The following MICU2 variants were observed in gnomAD, a reference collection of about 807,000 sequenced individuals.
MICU2 encodes the protein mitochondrial calcium uptake 2.
A neutral mutation model predicts 60.4 loss-of-function variants in MICU2; 64 were observed. That is an observed-to-expected ratio of 1.06 (90% CI 0.87 to 1.31). The LOEUF is 1.31. MICU2 is among the 50% of genes most tolerant of loss of function. MICU2 has a pLI of 0.00. For missense variants in MICU2, 569 were observed against 531.0 expected, an observed-to-expected ratio of 1.07 and a Z score of -0.70; for synonymous variants, 201 against 175.0, an observed-to-expected ratio of 1.15 and a Z score of -1.17.
At chr13:21,568,254 G>A (rs1270991066) in intron 1 of MICU2, among the ~76,000 whole-genome samples, 1 of 152,154 alleles carries the variant, frequency 6.6e-6, no homozygotes, top group Non-Finnish European at 1.5e-5. Context: ...GCTGATTTCA[G>A]TTCTCTGACC....
chr13:21,514,698 ATTTTTTT>A (rs71202422), intron 6 of MICU2, among the ~76,000 whole-genome samples: 1 of 141,170 alleles, frequency 7.1e-6, no homozygotes, highest in Non-Finnish European at 1.6e-5. Flanking sequence ...ACTCCCGTTA[ATTTTTTT>A]TTTTTTTTGT....
chr13:21,590,883 A>G (rs1377410364), intron 1 of MICU2, among the ~76,000 whole-genome samples: 1 of 152,154 alleles, frequency 6.6e-6, no homozygotes, highest in Non-Finnish European at 1.5e-5. Flanking sequence ...AACAAAAAGA[A>G]GCACTAAATA....
intron 2 of MICU2, among the ~76,000 whole-genome samples, chr13:21,546,705 C>T (rs1887427610): frequency 6.6e-6 from 1 of 152,072 alleles, no homozygotes; most frequent in African/African-American, 2.4e-5. Context: ...TTCTCTGTAG[C>T]TAGGTGGTTG....
In MICU2 at chr13:21,510,035, G is replaced by C; in HGVS notation, c.730C>G (p.Gln244Glu). 6.5e-7 allele frequency: 1 copy of C among 1,539,684 alleles called. No individual in the cohort carries two copies. The highest frequency in any genetic ancestry group is 8.7e-7 in the Non-Finnish European group (1 of 1,149,354). The change falls in exon 8 of 12, where the codon CAA becomes GAA. Residue 244 changes from glutamine (Q) to glutamate (E), a missense_variant. By Grantham distance (29) the Gln-to-Glu change is conservative (BLOSUM62 2). Transcript: ENST00000382374. Reference protein sequence around the residue: ...LQMRFFGKRGQRKLHYKEFRR... With the variant: ...LQMRFFGKRGERKLHYKEFRR... ...AATTCTTTATAATGAAGTTTTCTTT[G>C]TCCTCTTTTTCCAAAGAAACGCATC...
At chr13:21,527,298 G>A (rs549360700) in intron 4 of MICU2, among the ~76,000 whole-genome samples, 7 of 152,194 alleles carry the variant, frequency 4.6e-5, no homozygotes, top group African/African-American at 9.6e-5. Context: ...AAAGGAATAC[G>A]GCAATGTGAA....
chr13:21,596,908 T>C (rs1004828035), intron 1 of MICU2, among the ~76,000 whole-genome samples: 12 of 152,338 alleles, frequency 7.9e-5, no homozygotes, highest in East Asian at 7.7e-4. Flanking sequence ...AGTTTATTAA[T>C]ATAGTTGGTT....
rs1021920974 is a variant in MICU2, at chr13:21,566,792, C to A, written c.358+5G>T. On this transcript the variant is annotated splice_donor_5th_base_variant and intron_variant, in intron 2 of 11. Coordinates refer to ENST00000382374, the MANE Select transcript of MICU2 (RefSeq NM_152726.3). ...TTAATTAAAAAAAAAAAAGACCCAACTCACGTTCCATTTGCTCAAACATCA... is the reference window on the plus strand; with the variant it reads ...TTAATTAAAAAAAAAAAAGACCCAAATCACGTTCCATTTGCTCAAACATCA... The A allele has an allele frequency of 3.2e-6, 5 of 1,547,972 alleles. No homozygotes were observed. The highest frequency in any genetic ancestry group is 4.4e-5 in the Admixed American group (2 of 45,600).
At position 21,539,658 on chromosome 13, in the gene MICU2, T is replaced by C. The variant is rs761852383; in HGVS notation, c.389A>G (p.Lys130Arg). The part of the protein sequence containing the change: ...RKTSVKKLTK[K>R]DIEDTLSGIQ... ...TGCCCCCCACAACATGATGCTTACC[T>C]TTTTTGTCAGCTTCTTGACTGAAGT... is the stretch of plus-strand genomic sequence containing the variant. Residue 130 changes from lysine to arginine, a missense_variant and splice_region_variant, in exon 3 of 12, where the codon AAG (lysine) becomes AGG (arginine). Coordinates refer to ENST00000382374, the MANE Select transcript of MICU2 (RefSeq NM_152726.3). 14 of 1,613,698 alleles carry C rather than the reference T, an allele frequency of 8.7e-6. No homozygotes were observed. The highest frequency in any genetic ancestry group is 8.0e-5 in the African/African-American group (6 of 74,920).
At chr13:21,569,568 T>A (rs925818086) in intron 1 of MICU2, among the ~76,000 whole-genome samples, 1 of 151,986 alleles carries the variant, frequency 6.6e-6, no homozygotes. Context: ...AAACACTGAA[T>A]TGAGCATTTA....
intron 1 of MICU2, among the ~76,000 whole-genome samples, chr13:21,601,959 T>C (rs1888827361): frequency 6.7e-6 from 1 of 149,954 alleles, no homozygotes; most frequent in South Asian, 2.1e-4. Flanking sequence ...CAAAAAAAAA[T>C]TAGCTGGACG....
chr13:21,601,076 G>T (rs942364171), intron 1 of MICU2, among the ~76,000 whole-genome samples: 1 of 152,200 alleles, frequency 6.6e-6, no homozygotes, highest in Non-Finnish European at 1.5e-5. Flanking sequence ...GATTACAGGC[G>T]TGAGCCACCA....
intron 11 of MICU2, among the ~76,000 whole-genome samples, chr13:21,494,529 A>G (rs1885942150): frequency 6.6e-6 from 1 of 152,210 alleles, no homozygotes; most frequent in African/African-American, 2.4e-5. Flanking sequence ...TTCTAACAAT[A>G]ATGCTTTCTG....
At position 21,538,857 on chromosome 13, in the gene MICU2, A is replaced by G. The variant is rs116541309; in HGVS notation, c.466+445T>C. On this transcript the variant is annotated intron_variant, in intron 4 of 11. Coordinates refer to ENST00000382374, the MANE Select transcript of MICU2 (RefSeq NM_152726.3). The stretch of plus-strand genomic sequence containing the variant: ...AAATGTCAAACACTTCCAGCTGCTA[A>G]ATATAGAGGATACTTCTCAGTCCTT... Among the ~76,000 whole-genome samples the G allele has an allele frequency of 5.3e-3, 806 of 152,228 alleles. 5 individuals are homozygous for G. Among genetic ancestry groups the G allele is most frequent in the African/African-American group, 0.018 (758 of 41,532 alleles).
In MICU2 at chr13:21,591,266, C is replaced by CA. The variant is rs1385313141; in HGVS notation, c.210+12672dup. Among the ~76,000 whole-genome samples the CA allele has an allele frequency of 2.7e-5, 4 of 149,676 alleles. 1 individual carries two copies. Among genetic ancestry groups the CA allele is most frequent in the South Asian group, 2.1e-4 (1 of 4,790 alleles). On this transcript the variant is annotated intron_variant, in intron 1 of 11. Coordinates refer to ENST00000382374, the MANE Select transcript of MICU2 (RefSeq NM_152726.3). The stretch of plus-strand genomic sequence containing the variant: ...AAAACAGACCTTAAATCAACAAAGA[C>CA]AAAAAAAGACAAAGAAGGGCATTAC...
At chr13:21,509,730 T>G (rs868287238) in intron 8 of MICU2, among the ~76,000 whole-genome samples, 2 of 152,254 alleles carry the variant, frequency 1.3e-5, no homozygotes, top group East Asian at 3.8e-4. Context: ...AGGCGCATGG[T>G]TCTTTGTTGC....
chr13:21,575,843 C>G (rs1888214793), intron 1 of MICU2, among the ~76,000 whole-genome samples: 1 of 148,084 alleles, frequency 6.8e-6, no homozygotes, highest in South Asian at 2.2e-4. Context: ...TAACATTTTT[C>G]TTAAGAATTG....
At chr13:21,579,594 A>T (rs899962489) in intron 1 of MICU2, among the ~76,000 whole-genome samples, 4 of 152,136 alleles carry the variant, frequency 2.6e-5, no homozygotes, top group Admixed American at 2.6e-4. Context: ...CACCCACCTC[A>T]GCCTCCCAAA....
chr13:21,575,579 C>G (rs951177697), intron 1 of MICU2, among the ~76,000 whole-genome samples: 1 of 151,590 alleles, frequency 6.6e-6, no homozygotes, highest in Non-Finnish European at 1.5e-5. Flanking sequence ...CACAAATTAG[C>G]TAGGCATGGT....
intron 1 of MICU2, among the ~76,000 whole-genome samples, chr13:21,572,242 G>C (rs546519257): frequency 6.6e-6 from 1 of 152,232 alleles, no homozygotes; most frequent in Non-Finnish European, 1.5e-5. Context: ...GGTTTATTAA[G>C]CCAGCTGTAC....
Sources: gnomAD v4.1 joint callset for allele counts (sites outside exome capture counted in the v4.1 genomes callset) on GRCh38, gnomAD v4.1.1 for gene constraint, MANE v1.5 for transcripts, NCBI Gene and HGNC (gene_info 2026-07-23, HGNC 2026-07-21) for gene names.